Variants in ROBO1 observed in about 807,000 individuals in gnomAD.
The protein encoded by ROBO1 is roundabout guidance receptor 1.
ROBO1 carries 149 observed loss-of-function variants against 195.9 expected under a neutral mutation model. The observed-to-expected ratio is 0.76, with a 90% CI of 0.67 to 0.87. ROBO1 has a LOEUF of 0.87. Ranked by LOEUF, ROBO1 falls within the 40% of genes least tolerant of loss-of-function variation. ROBO1 has a pLI of 0.00. For synonymous variants in ROBO1, 816 were observed against 733.2 expected (o/e 1.11, Z -1.82); for missense variants, 1,933 against 2,068.3 (o/e 0.93, Z 1.27).
At chr3:79,597,540 C>T (rs1442789374) in intron 1 of ROBO1, among the ~76,000 whole-genome samples, 1 of 151,922 alleles carries the variant, frequency 6.6e-6, no homozygotes, top group Non-Finnish European at 1.5e-5. Context: ...GTTTATGTTA[C>T]ATTTAGCTTA....
chr3:78,831,962 A>C (rs1351779860), intron 4 of ROBO1, among the ~76,000 whole-genome samples: 1 of 152,190 alleles, frequency 6.6e-6, no homozygotes, highest in African/African-American at 2.4e-5. Flanking sequence ...GAATTATGGG[A>C]GCTACAATTC....
intron 1 of ROBO1, among the ~76,000 whole-genome samples, chr3:79,740,266 C>A (rs1444298688): frequency 6.8e-6 from 1 of 147,234 alleles, no homozygotes; most frequent in Non-Finnish European, 1.5e-5. Flanking sequence ...GAACTGCATA[C>A]TCTAGTGAGT....
intron 3 of ROBO1, among the ~76,000 whole-genome samples, chr3:78,970,155 G>C (rs2107904844): frequency 6.6e-6 from 1 of 152,106 alleles, no homozygotes; most frequent in Non-Finnish European, 1.5e-5. Flanking sequence ...TACTTCAAGA[G>C]AATATATTTT....
At position 79,496,165 on chromosome 3, in the gene ROBO1, A is replaced by T. The variant is rs118038767; in HGVS notation, c.88+93659T>A. Among the ~76,000 whole-genome samples, 81 of 146,440 alleles carry T rather than the reference A, an allele frequency of 5.5e-4. 2 individuals are homozygous for T. In the East Asian group the frequency reaches 0.015, roughly 27 times the overall value. ...GAGTTGGAGGTTGCAGTGAGCCAAG[A>T]TCACACCAATGCACTCCAAACTAGG... is the stretch of plus-strand genomic sequence containing the variant. On this transcript the variant is annotated intron_variant, in intron 2 of 30. Coordinates refer to ENST00000464233, the MANE Select transcript of ROBO1 (RefSeq NM_002941.4).
chr3:79,752,666 A>G (rs1704183623), intron 1 of ROBO1, among the ~76,000 whole-genome samples: 2 of 152,302 alleles, frequency 1.3e-5, no homozygotes, highest in South Asian at 4.1e-4. Context: ...GGCATATTTG[A>G]AAGTTAACAC....
chr3:78,602,235 G>T (rs1330874699), intron 29 of ROBO1, among the ~76,000 whole-genome samples: 2 of 152,116 alleles, frequency 1.3e-5, no homozygotes, highest in Middle Eastern at 3.4e-3. Context: ...GTGAGCTCTT[G>T]CTCTGAGTTC....
At chr3:78,613,284 G>C (rs1703925027) in intron 28 of ROBO1, among the ~76,000 whole-genome samples, 1 of 152,048 alleles carries the variant, frequency 6.6e-6, no homozygotes, top group Non-Finnish European at 1.5e-5. Flanking sequence ...CTTGATGTTT[G>C]GTCAGTTTTT....
rs984731980 is a variant in ROBO1 at position 79,334,363 on chromosome 3, T to C, written c.89-208824A>G. ...ATATATGTATATATGTATATATATA[T>C]GTATATATATTTTATATATATACAC... On this transcript the variant is annotated intron_variant, in intron 2 of 30. Coordinates refer to ENST00000464233, the MANE Select transcript of ROBO1 (RefSeq NM_002941.4). Among the ~76,000 whole-genome samples, 8 of 147,350 alleles carry C rather than the reference T, an allele frequency of 5.4e-5. No homozygotes were observed. In the East Asian group the frequency reaches 1.4e-3, roughly 25 times the overall value.
chr3:79,653,426 T>G (rs1946071836), intron 1 of ROBO1, among the ~76,000 whole-genome samples: 1 of 151,966 alleles, frequency 6.6e-6, no homozygotes, highest in Admixed American at 6.6e-5. Context: ...CACTGCCTTT[T>G]ACTTCGAATA....
intron 29 of ROBO1, among the ~76,000 whole-genome samples, chr3:78,603,054 T>C (rs1703269157): frequency 6.6e-6 from 1 of 152,218 alleles, no homozygotes; most frequent in African/African-American, 2.4e-5. Context: ...TTCTTGCTCC[T>C]ATAACATGGT....
At chr3:78,704,490 C>T (rs2081499442) in intron 8 of ROBO1, among the ~76,000 whole-genome samples, 2 of 151,634 alleles carry the variant, frequency 1.3e-5, no homozygotes, top group African/African-American at 4.8e-5. Flanking sequence ...AAAGTTTATC[C>T]CCTACTGGCA....
intron 4 of ROBO1, among the ~76,000 whole-genome samples, chr3:78,877,628 C>T (rs1346731457): frequency 6.6e-6 from 1 of 152,148 alleles, no homozygotes; most frequent in Non-Finnish European, 1.5e-5. Context: ...CATTATTGCA[C>T]ACTTCTAACT....
At chr3:79,012,617 T>C (rs2077810282) in intron 3 of ROBO1, among the ~76,000 whole-genome samples, 1 of 152,236 alleles carries the variant, frequency 6.6e-6, no homozygotes, top group Admixed American at 6.5e-5. Flanking sequence ...CAAAATATTA[T>C]TTTATGTGTG....
intron 4 of ROBO1, chr3:78,938,008 T>TGAGA: frequency 6.6e-6 from 1 of 152,136 alleles, no homozygotes; most frequent in African/African-American, 2.5e-5. Flanking sequence ...TGTGTGTGTG[T>TGAGA]GTGTGTGTGT....
intron 17 of ROBO1, among the ~76,000 whole-genome samples, chr3:78,658,484 T>C (rs1707177044): frequency 6.6e-6 from 1 of 152,192 alleles, no homozygotes; most frequent in Non-Finnish European, 1.5e-5. Context: ...AGAGACGGGC[T>C]TTCACTGTGT....
intron 4 of ROBO1, among the ~76,000 whole-genome samples, chr3:78,837,310 T>C (rs932423077): frequency 5.3e-5 from 8 of 152,240 alleles, no homozygotes; most frequent in Non-Finnish European, 8.8e-5. Context: ...TGATTTAAAA[T>C]TTCTCAACAG....
chr3:79,262,848 T>C (rs2082966486), intron 2 of ROBO1, among the ~76,000 whole-genome samples: 1 of 151,964 alleles, frequency 6.6e-6, no homozygotes, highest in African/African-American at 2.4e-5. Flanking sequence ...TTTCATTTAT[T>C]TTATTTTAAA....
At chr3:79,610,823 C>G (rs572856209) in intron 1 of ROBO1, among the ~76,000 whole-genome samples, 1 of 152,010 alleles carries the variant, frequency 6.6e-6, no homozygotes, top group Non-Finnish European at 1.5e-5. Context: ...AATGATTATG[C>G]TTCAAGAACA....
chr3:79,432,700 C>T lies in ROBO1; in HGVS notation c.88+157124G>A, dbSNP rs746902008. 3.4e-4 allele frequency among the ~76,000 whole-genome samples: 52 copies of T among 152,066 alleles called. 1 individual carries two copies. Among genetic ancestry groups the T allele is most frequent in the East Asian group, 1.9e-4 (1 of 5,182 alleles). ...ATTAATGTCTGCCCCGCAAAATATA[C>T]GTTTCACCCTACCCCACTCAGGGTT... On this transcript the variant is annotated intron_variant, in intron 2 of 30. Coordinates refer to ENST00000464233, the MANE Select transcript of ROBO1 (RefSeq NM_002941.4).
Sources: gnomAD v4.1 joint callset for allele counts (sites outside exome capture counted in the v4.1 genomes callset) on GRCh38, gnomAD v4.1.1 for gene constraint, MANE v1.5 for transcripts, NCBI Gene and HGNC (gene_info 2026-07-23, HGNC 2026-07-21) for gene names.